Variants in DRC11 observed in about 807,000 individuals in gnomAD.
The protein encoded by DRC11 is dynein regulatory complex subunit 11.
the DRC11 span, among the ~76,000 whole-genome samples, chr2:236,441,686 T>C: frequency 2.0e-5 from 3 of 152,200 alleles, no homozygotes; most frequent in Non-Finnish European, 2.9e-5. Context: ...GGTAGACAGA[T>C]AGTATTCTTA....
At chr2:236,337,211 G>A in the DRC11 span, among the ~76,000 whole-genome samples, 2 of 152,138 alleles carry the variant, frequency 1.3e-5, no homozygotes, top group Admixed American at 6.5e-5. This position sits in a 1 kb window ranked among gnomAD's most constrained non-coding sequence, Gnocchi z 4.9. Flanking sequence ...GAATGCCCCA[G>A]CTCTGCCCAG....
At chr2:236,347,508 CTATATA>C in the DRC11 span, among the ~76,000 whole-genome samples, 2 of 107,494 alleles carry the variant, frequency 1.9e-5, no homozygotes, top group Non-Finnish European at 4.3e-5. Context: ...AAAAACTGTG[CTATATA>C]TATATATATA....
At chr2:236,399,075 C>T in the DRC11 span, among the ~76,000 whole-genome samples, 4 of 151,962 alleles carry the variant, frequency 2.6e-5, no homozygotes, top group African/African-American at 9.7e-5. The surrounding 1 kb of genome is among the most constrained non-coding windows in gnomAD (Gnocchi z 7.0). Context: ...CTGCAAGCTC[C>T]GCCTCCTGGG....
the DRC11 span, chr2:236,503,545 T>C: frequency 7.9e-7 from 1 of 1,272,552 alleles, no homozygotes; most frequent in Non-Finnish European, 1.1e-6. The surrounding 1 kb of genome is among the most constrained non-coding windows in gnomAD (Gnocchi z 4.9). Flanking sequence ...GTCTGGGGAA[T>C]CCCTGTCTGG....
At chr2:236,431,647 T>C in the DRC11 span, among the ~76,000 whole-genome samples, 52 of 152,362 alleles carry the variant, frequency 3.4e-4, no homozygotes, top group African/African-American at 1.2e-3. This position sits in a 1 kb window ranked among gnomAD's most constrained non-coding sequence, Gnocchi z 4.2. Flanking sequence ...ACATTTCATA[T>C]AAATGGAATA....
chr2:236,308,875 C>T, the DRC11 span, among the ~76,000 whole-genome samples: 2 of 152,178 alleles, frequency 1.3e-5, no homozygotes, highest in Admixed American at 6.5e-5. The surrounding 1 kb of genome is among the most constrained non-coding windows in gnomAD (Gnocchi z 6.0). Context: ...TATTATCCAA[C>T]AGTTAAAATA....
the DRC11 span, among the ~76,000 whole-genome samples, chr2:236,491,159 G>GTATATATATATATATATATACACACAGTA: frequency 3.2e-4 from 13 of 40,346 alleles, no homozygotes; most frequent in African/African-American, 1.5e-3. Flanking sequence ...TATACACACA[G>GTATATATATATATATATATACACACAGTA]TATATATATA....
the DRC11 span, among the ~76,000 whole-genome samples, chr2:236,409,856 A>G: frequency 2.0e-5 from 3 of 152,178 alleles, no homozygotes; most frequent in Non-Finnish European, 4.4e-5. Context: ...TTCTGCATCT[A>G]TTGAGATAAT....
the DRC11 span, among the ~76,000 whole-genome samples, chr2:236,403,730 A>C: frequency 6.6e-6 from 1 of 152,056 alleles, no homozygotes; most frequent in Non-Finnish European, 1.5e-5. Flanking sequence ...ATGAAAGTGC[A>C]TGAGCCTACC....
the DRC11 span, among the ~76,000 whole-genome samples, chr2:236,350,577 C>T: frequency 6.6e-6 from 1 of 152,230 alleles, no homozygotes; most frequent in Non-Finnish European, 1.5e-5. The surrounding 1 kb of genome is among the most constrained non-coding windows in gnomAD (Gnocchi z 5.2). Context: ...GCTGCTGAGG[C>T]AGAGCCAGGT....
chr2:236,408,104 A>T, the DRC11 span: 1 of 636,384 alleles, frequency 1.6e-6, no homozygotes, highest in East Asian at 3.4e-5. The surrounding 1 kb of genome is among the most constrained non-coding windows in gnomAD (Gnocchi z 5.5). Flanking sequence ...ACTTCACCAT[A>T]TGGGACAAAG....
At chr2:236,446,017 G>A in the DRC11 span, among the ~76,000 whole-genome samples, 1 of 152,124 alleles carries the variant, frequency 6.6e-6, no homozygotes, top group South Asian at 2.1e-4. This position sits in a 1 kb window ranked among gnomAD's most constrained non-coding sequence, Gnocchi z 6.2. Flanking sequence ...CCCCTTCCCT[G>A]TGACTTGGCC....
the DRC11 span, among the ~76,000 whole-genome samples, chr2:236,422,639 T>C: frequency 2.6e-5 from 4 of 152,200 alleles, no homozygotes; most frequent in African/African-American, 9.7e-5. Context: ...AGGTAATTTA[T>C]AGATTCAATG....
the DRC11 span, among the ~76,000 whole-genome samples, chr2:236,489,989 G>C: frequency 6.6e-6 from 1 of 152,142 alleles, no homozygotes; most frequent in African/African-American, 2.4e-5. Context: ...CCTGTTTCCA[G>C]GCCTCAGAGG....
At chr2:236,358,006 T>A in the DRC11 span, among the ~76,000 whole-genome samples, 7 of 111,064 alleles carry the variant, frequency 6.3e-5, no homozygotes, top group South Asian at 2.7e-4. Flanking sequence ...GAATATATAT[T>A]TATAATATAT....
the DRC11 span, among the ~76,000 whole-genome samples, chr2:236,318,171 C>T: frequency 7.4e-6 from 1 of 135,978 alleles, no homozygotes; most frequent in East Asian, 2.8e-4. This position sits in a 1 kb window ranked among gnomAD's most constrained non-coding sequence, Gnocchi z 7.0. Context: ...AGCTGGGTGT[C>T]TGCGTCAGCC....
the DRC11 span, among the ~76,000 whole-genome samples, chr2:236,491,188 G>GTATA: frequency 0.027 from 661 of 24,706 alleles, 35 homozygotes; most frequent in Non-Finnish European, 0.041. Context: ...TATACACACA[G>GTATA]TATATATATA....
chr2:236,481,449 A>AT, the DRC11 span, among the ~76,000 whole-genome samples: 1 of 151,986 alleles, frequency 6.6e-6, no homozygotes, highest in East Asian at 1.9e-4. Context: ...TTGGCTCAGA[A>AT]TTTTTTTACC....
chr2:236,464,923 T>A, the DRC11 span, among the ~76,000 whole-genome samples: 11 of 152,156 alleles, frequency 7.2e-5, no homozygotes, highest in African/African-American at 2.4e-5. Context: ...GAGTTAAAGC[T>A]CCCTGAGGCA....
Sources: allele counts gnomAD v4.1 joint callset (sites outside exome capture counted in the v4.1 genomes callset), GRCh38; gene constraint gnomAD v4.1.1; non-coding constraint Gnocchi (gnomAD v3.1); transcripts MANE v1.5; gene names NCBI Gene and HGNC (gene_info 2026-07-23, HGNC 2026-07-21).